The following CNTN6 variants were observed in gnomAD, a reference collection of about 807,000 sequenced individuals.
CNTN6 encodes contactin 6.
CNTN6 carries 137 observed loss-of-function variants against 122.8 expected under a neutral mutation model. The ratio of observed to expected loss-of-function variants is 1.12; its 90% CI spans 0.97 to 1.29. CNTN6 has a LOEUF of 1.29. Ranked by LOEUF, CNTN6 falls within the 50% of genes most tolerant of loss-of-function variation. The pLI, the probability that CNTN6 is intolerant of heterozygous loss-of-function variation, is 0.00. For missense variants in CNTN6, 1,634 were observed against 1,223.4 expected (o/e 1.34, Z -5.01); for synonymous variants, 570 against 426.0 (o/e 1.34, Z -4.16).
chr3:1,322,713 T>C (rs927270000), intron 8 of CNTN6, among the ~76,000 whole-genome samples: 1 of 151,448 alleles, frequency 6.6e-6, no homozygotes, highest in African/African-American at 2.4e-5. Context: ...GGAATGTTGA[T>C]TGAGTGCCCG....
At chr3:1,098,986 G>A (rs1023945198) in intron 1 of CNTN6, among the ~76,000 whole-genome samples, 2 of 150,516 alleles carry the variant, frequency 1.3e-5, no homozygotes, top group African/African-American at 4.9e-5. Flanking sequence ...ACTCTACCTA[G>A]TCCATTCCTC....
At chr3:1,344,677 C>T (rs906065564) in intron 11 of CNTN6, among the ~76,000 whole-genome samples, 1 of 152,192 alleles carries the variant, frequency 6.6e-6, no homozygotes, top group Non-Finnish European at 1.5e-5. Context: ...CATTTGTTTC[C>T]TCTTTGGGAC....
At chr3:1,384,796 T>TATATATACAC (rs1224742660) in intron 19 of CNTN6, among the ~76,000 whole-genome samples, 4 of 133,798 alleles carry the variant, frequency 3.0e-5, no homozygotes, top group African/African-American at 8.5e-5. Flanking sequence ...TATATATATA[T>TATATATACAC]ACACACACAC....
intron 11 of CNTN6, among the ~76,000 whole-genome samples, chr3:1,334,106 G>T (rs988439360): frequency 6.6e-6 from 1 of 152,156 alleles, no homozygotes; most frequent in Non-Finnish European, 1.5e-5. Flanking sequence ...GAGGAGAAAA[G>T]TGTTTCTCGA....
intron 1 of CNTN6, among the ~76,000 whole-genome samples, chr3:1,115,559 C>A (rs2091683060): frequency 6.6e-6 from 1 of 152,048 alleles, no homozygotes; most frequent in Non-Finnish European, 1.5e-5. Context: ...ACCAGCCTGG[C>A]CAATATGGTG....
At chr3:1,139,342 C>T (rs2092557250) in intron 1 of CNTN6, among the ~76,000 whole-genome samples, 1 of 152,086 alleles carries the variant, frequency 6.6e-6, no homozygotes, top group Non-Finnish European at 1.5e-5. Flanking sequence ...TATCCCTGTA[C>T]TAAACCGCAC....
chr3:1,269,252 G>C (rs780155138), intron 4 of CNTN6, among the ~76,000 whole-genome samples: 1 of 152,134 alleles, frequency 6.6e-6, no homozygotes, highest in Non-Finnish European at 1.5e-5. Context: ...GCACGGCCAA[G>C]CTAGCATTTG....
At chr3:1,135,829 T>C (rs1574975986) in intron 1 of CNTN6, among the ~76,000 whole-genome samples, 1 of 152,004 alleles carries the variant, frequency 6.6e-6, no homozygotes, top group Non-Finnish European at 1.5e-5. Context: ...GAGTCTCTAC[T>C]AAAAATACAA....
At chr3:1,303,675 C>T (rs1210688712) in intron 7 of CNTN6, among the ~76,000 whole-genome samples, 2 of 152,020 alleles carry the variant, frequency 1.3e-5, no homozygotes, top group Non-Finnish European at 2.9e-5. Context: ...TGCTTTTTCT[C>T]CTAGTCACAG....
intron 12 of CNTN6, among the ~76,000 whole-genome samples, chr3:1,355,125 C>A (rs893616091): frequency 6.6e-6 from 1 of 151,582 alleles, no homozygotes; most frequent in East Asian, 1.9e-4. Context: ...ATATTTTAAC[C>A]TTCATGACAC....
intron 1 of CNTN6, among the ~76,000 whole-genome samples, chr3:1,120,116 C>T (rs552275993): frequency 3.3e-5 from 5 of 149,830 alleles, no homozygotes; most frequent in Middle Eastern, 3.4e-3. Context: ...TATCCATTCA[C>T]CTATTGATGG....
chr3:1,388,537 C>T (rs539014289), intron 20 of CNTN6, among the ~76,000 whole-genome samples: 1 of 151,210 alleles, frequency 6.6e-6, no homozygotes, highest in East Asian at 1.9e-4. Context: ...CAGTTCCTCA[C>T]CAGCAACGGA....
chr3:1,102,834 G>C (rs894588791), intron 1 of CNTN6, among the ~76,000 whole-genome samples: 1 of 150,294 alleles, frequency 6.7e-6, no homozygotes, highest in African/African-American at 2.4e-5. Flanking sequence ...CAGGCCGGGA[G>C]CTGTGGCTCA....
chr3:1,403,013 C>T (rs958404787), intron 22 of CNTN6, among the ~76,000 whole-genome samples: 1 of 152,078 alleles, frequency 6.6e-6, no homozygotes, highest in Non-Finnish European at 1.5e-5. Flanking sequence ...TTAGAAAAAT[C>T]ACTTACTCAT....
At chr3:1,388,000 T>C (rs1336775067) in intron 20 of CNTN6, among the ~76,000 whole-genome samples, 1 of 152,068 alleles carries the variant, frequency 6.6e-6, no homozygotes, top group African/African-American at 2.4e-5. Flanking sequence ...CGCCCGCCAT[T>C]GGCCAGGCTT....
chr3:1,130,169 T>G (rs2092298251), intron 1 of CNTN6, among the ~76,000 whole-genome samples: 1 of 152,062 alleles, frequency 6.6e-6, no homozygotes, highest in Non-Finnish European at 1.5e-5. Flanking sequence ...AGTCCAATCT[T>G]TACACAGGAC....
intron 1 of CNTN6, among the ~76,000 whole-genome samples, chr3:1,094,459 TA>T: frequency 6.6e-6 from 1 of 152,292 alleles, no homozygotes; most frequent in East Asian, 1.9e-4. Context: ...TTCAAATATA[TA>T]AATGTGGAAA....
intron 3 of CNTN6, among the ~76,000 whole-genome samples, chr3:1,222,352 A>T (rs1234116211): frequency 6.6e-6 from 1 of 152,212 alleles, no homozygotes; most frequent in African/African-American, 2.4e-5. Context: ...TACTTAAAGT[A>T]GTAATTTTAT....
In CNTN6 at chr3:1,389,800, A is replaced by G. The variant is rs564166775; in HGVS notation, c.2704+4003A>G. ...ACAGACTTTAAACCAACAAAGATCAAAAGAGACAAAGAAGGCCATTACATA... is the reference window on the plus strand; with the variant it reads ...ACAGACTTTAAACCAACAAAGATCAGAAGAGACAAAGAAGGCCATTACATA... On this transcript the variant is annotated intron_variant, in intron 20 of 22. Transcript: ENST00000446702. Among the ~76,000 whole-genome samples the G allele has an allele frequency of 1.8e-3, 273 of 151,286 alleles. 2 individuals are homozygous for G. The highest frequency in any genetic ancestry group is 3.4e-3 in the Middle Eastern group (1 of 294).
Sources: allele counts gnomAD v4.1 joint callset (sites outside exome capture counted in the v4.1 genomes callset), GRCh38; gene constraint gnomAD v4.1.1; transcripts MANE v1.5; gene names NCBI Gene and HGNC (gene_info 2026-07-23, HGNC 2026-07-21).